PLEKHM1: variants seen among roughly 807,000 people sequenced by gnomAD.
PLEKHM1 encodes pleckstrin homology and RUN domain containing M1, also known as pleckstrin homology domain-containing family M member 1.
A neutral mutation model predicts 94.3 loss-of-function variants in PLEKHM1; 28 were observed. The ratio of observed to expected loss-of-function variants is 0.30; its 90% confidence interval spans 0.22 to 0.41. The LOEUF is 0.41. Among genes scored for constraint, PLEKHM1 ranks in the 10% least tolerant of loss-of-function variants. The pLI, the probability that PLEKHM1 is intolerant of heterozygous loss-of-function variation, is 1.00. For synonymous variants in PLEKHM1, 424 were observed against 581.2 expected (o/e 0.73, Z 3.89); for missense variants, 907 against 1,358.6 (o/e 0.67, Z 5.22).
rs1179712901 is a variant in PLEKHM1, at chr17:45,445,369, GT to G, written c.2837+100del. On this transcript the variant is annotated intron_variant, in intron 9 of 11. Transcript: ENST00000430334. The surrounding 1 kb of genome is among the most constrained non-coding windows in gnomAD (Gnocchi z 4.2). Reference sequence around the variant, plus strand: ...TGTGTGTGGGTATGTGTGCACATGTGTATGTGTGTCTGTGTGTACATGTGCA... The same window carrying G: ...TGTGTGTGGGTATGTGTGCACATGTGATGTGTGTCTGTGTGTACATGTGCA... The G allele has an allele frequency of 4.5e-6, 4 of 890,416 alleles. No homozygotes were observed. The African/African-American group carries it at 6.5e-5, about 14-fold the overall frequency. 55.2% of individuals were successfully genotyped at this position (890,416 alleles called of 1,614,324 possible). A position where few individuals can be genotyped will look rare whatever the true frequency, so the allele number is the denominator to read the frequency against.
chr17:45,480,602 T>G (rs1009009533), intron 2 of PLEKHM1, among the ~76,000 whole-genome samples: 1 of 152,246 alleles, frequency 6.6e-6, no homozygotes, highest in Non-Finnish European at 1.5e-5. Flanking sequence ...GAATACGAAG[T>G]GAATGCAGTC....
Position 45,436,619 on chromosome 17 carries a change from G to A in PLEKHM1, c.*1239C>T, listed in dbSNP as rs931174412. ...GAGACCAGCAAACCCACATTTCCCC[G>A]AAGCCTGGAGGGTCTGACCATCACT... On this transcript the variant is annotated 3_prime_UTR_variant, in exon 12 of 12. Coordinates refer to ENST00000430334, the MANE Select transcript of PLEKHM1 (RefSeq NM_014798.3). 4.0e-5 allele frequency: 18 copies of A among 453,960 alleles called. No homozygotes were observed. Among genetic ancestry groups the A allele is most frequent in the Middle Eastern group, 1.4e-3 (2 of 1,444 alleles). The allele number at this position is 453,960 out of a possible 1,614,324, so 28.1% of individuals were successfully genotyped here.
chr17:45,487,681 C>T (rs1279569054), intron 1 of PLEKHM1: 1 of 455,986 alleles, frequency 2.2e-6, no homozygotes, highest in Non-Finnish European at 4.4e-6. Context: ...TCACTTCCTC[C>T]AGAGATCAAG....
In PLEKHM1 at chr17:45,453,832, A is replaced by G. The variant is rs2145218408; in HGVS notation, c.2020T>C (p.Trp674Arg). 1.2e-6 allele frequency: 2 copies of G among 1,613,996 alleles called. No homozygotes were observed. The highest frequency in any genetic ancestry group is 2.2e-5 in the East Asian group (1 of 44,882). ...PAALQGTQFD[W>R]SSAQVPEPDA... Reference sequence around the variant, plus strand: ...GGCTCTGGAACCTGGGCGGACGACCAGTCAAACTGTGTGCCCTGGAGGGCC... The same window carrying G: ...GGCTCTGGAACCTGGGCGGACGACCGGTCAAACTGTGTGCCCTGGAGGGCC... Residue 674 changes from tryptophan to arginine, a missense_variant, in exon 7 of 12, where the codon TGG becomes CGG. Trp to Arg is a moderately radical substitution (Grantham distance 101, BLOSUM62 -3). This residue lies in a region of PLEKHM1 where 477 missense variants were observed against 601.5 expected (regional missense o/e 0.79). Transcript: ENST00000430334. This position sits in a 1 kb window ranked among gnomAD's most constrained non-coding sequence, Gnocchi z 4.1.
chr17:45,466,695 C>T (rs2051331186), intron 5 of PLEKHM1, among the ~76,000 whole-genome samples: 1 of 152,098 alleles, frequency 6.6e-6, no homozygotes, highest in Admixed American at 6.5e-5. Context: ...AACCACTACA[C>T]ATCTACCAGA....
rs1428139090 is a variant in PLEKHM1, at chr17:45,439,651, G to A, written c.2902-17C>T. On this transcript the variant is annotated splice_polypyrimidine_tract_variant and intron_variant, in intron 10 of 11. Transcript: ENST00000430334. ...GTCTGCGATCTGCGGAGGGCAAGTA[G>A]GAATCCTTCATACACCCCGTCTGCG... 6.2e-7 allele frequency: 1 copy of A among 1,612,030 alleles called. No individual in the cohort carries two copies. The highest frequency in any genetic ancestry group is 1.3e-5 in the African/African-American group (1 of 74,868).
At chr17:45,463,085 C>CTAA in intron 5 of PLEKHM1, among the ~76,000 whole-genome samples, 1 of 95,664 alleles carries the variant, frequency 1.0e-5, no homozygotes, top group African/African-American at 3.6e-5. Context: ...GAGTCTGTGT[C>CTAA]AAAAAAAAAA....
chr17:45,472,175 T>C (rs2051535999), intron 4 of PLEKHM1, among the ~76,000 whole-genome samples: 1 of 152,292 alleles, frequency 6.6e-6, no homozygotes, highest in South Asian at 2.1e-4. Flanking sequence ...GGTGAGAACA[T>C]TTTACCCTTG....
At position 45,437,026 on chromosome 17, in the gene PLEKHM1, C is replaced by T. The variant is rs113507800; in HGVS notation, c.*832G>A. 301 of 454,384 alleles carry T rather than the reference C, an allele frequency of 6.6e-4. No homozygotes were observed. Among genetic ancestry groups the T allele is most frequent in the African/African-American group, 1.8e-3 (89 of 50,140 alleles). The allele number at this position is 454,384 out of a possible 1,614,324, so 28.1% of individuals were successfully genotyped here. On this transcript the variant is annotated 3_prime_UTR_variant, in exon 12 of 12. Coordinates refer to ENST00000430334, the MANE Select transcript of PLEKHM1 (RefSeq NM_014798.3). The surrounding 1 kb of genome is among the most constrained non-coding windows in gnomAD (Gnocchi z 4.0). ...GCACGGGGATCGGGGGTGGGCAAGA[C>T]GGCGACCCTCCATAAACCGAGGAGG...
At chr17:45,488,847 G>A (rs2052214439) in intron 1 of PLEKHM1, among the ~76,000 whole-genome samples, 1 of 152,152 alleles carries the variant, frequency 6.6e-6, no homozygotes, top group African/African-American at 2.4e-5. Context: ...GCTGAGGCAG[G>A]AGAATCGCTT....
At chr17:45,449,154 C>G (rs1476208191) in intron 8 of PLEKHM1, among the ~76,000 whole-genome samples, 2 of 151,650 alleles carry the variant, frequency 1.3e-5, no homozygotes, top group African/African-American at 4.8e-5. Flanking sequence ...CATGTAGGGC[C>G]TACAGGGGAG....
chr17:45,454,039 G>C lies in PLEKHM1; in HGVS notation c.1813C>G (p.Leu605Val). Residue 605 changes from leucine (L) to valine (V), a missense_variant, in exon 7 of 12, where the codon CTG becomes GTG. Around this residue, in one of 3 missense-constraint regions of PLEKHM1, gnomAD observed 477 missense variants for 601.5 expected, o/e 0.79. Coordinates refer to ENST00000430334, the MANE Select transcript of PLEKHM1 (RefSeq NM_014798.3). Reference sequence around the variant, plus strand: ...GCTTCGTCCTGGGAGGAGGCGCGCAGGGCCAGCTTCTTGCCAGAGAAGACC... The same window carrying C: ...GCTTCGTCCTGGGAGGAGGCGCGCACGGCCAGCTTCTTGCCAGAGAAGACC... ...ELVFSGKKLALRASSQDEAED... is the reference protein window; with the variant it reads ...ELVFSGKKLAVRASSQDEAED... The C allele has an allele frequency of 6.8e-6, 11 of 1,614,170 alleles. No homozygotes were observed. Among genetic ancestry groups the C allele is most frequent in the Non-Finnish European group, 9.3e-6 (11 of 1,179,996 alleles).
At chr17:45,450,900 T>C in intron 7 of PLEKHM1, 137 bp from the exon 8 acceptor site, 1 of 606,228 alleles carries the variant, frequency 1.6e-6, no homozygotes, top group Non-Finnish European at 2.9e-6. Flanking sequence ...ACCACTCGTA[T>C]TTCCACCACT....
At chr17:45,449,311 T>TA (rs2050699199) in intron 8 of PLEKHM1, among the ~76,000 whole-genome samples, 2 of 150,434 alleles carry the variant, frequency 1.3e-5, no homozygotes, top group Admixed American at 1.3e-4. Context: ...CCCATCTACC[T>TA]ACCCATCTAC....
Position 45,468,611 on chromosome 17 carries a change from A to G in PLEKHM1, c.924-18T>C. ...ACAATACCCTAGAAGTTTTAAACAA[A>G]GAAACCTGTGTGACAGGTTGTCTGC... On this transcript the variant is annotated intron_variant, in intron 4 of 11. Coordinates refer to ENST00000430334, the MANE Select transcript of PLEKHM1 (RefSeq NM_014798.3). 6.2e-7 allele frequency: 1 copy of G among 1,614,154 alleles called. No homozygotes were observed. Among genetic ancestry groups the G allele is most frequent in the Non-Finnish European group, 8.5e-7 (1 of 1,179,990 alleles).
intron 7 of PLEKHM1, among the ~76,000 whole-genome samples, chr17:45,452,661 T>G (rs1314352988): frequency 6.6e-6 from 1 of 151,956 alleles, no homozygotes; most frequent in Non-Finnish European, 1.5e-5. Context: ...GATTTGATGA[T>G]GAGGAAGACA....
rs756786802 is a variant in PLEKHM1, at chr17:45,440,144, G to A, written c.2901+19C>T. On this transcript the variant is annotated intron_variant, in intron 10 of 11. Coordinates refer to ENST00000430334, the MANE Select transcript of PLEKHM1 (RefSeq NM_014798.3). ...AAGTCTCTCTAGAGGTCTGGGCGGG[G>A]GAAGCATGACACTCTTACCTGTTGG... 4.3e-6 allele frequency: 7 copies of A among 1,609,394 alleles called. No individual in the cohort carries two copies. The Admixed American group carries it at 5.0e-5, about 11-fold the overall frequency.
rs749570218 is a variant in PLEKHM1 at position 45,439,727 on chromosome 17, C to T, written c.2902-93G>A. The T allele has an allele frequency of 7.8e-6, 12 of 1,532,212 alleles. No homozygotes were observed. The East Asian group carries it at 2.0e-4, about 26-fold the overall frequency. The allele number at this position is 1,532,212 out of a possible 1,614,324, so 94.9% of individuals were successfully genotyped here. On this transcript the variant is annotated intron_variant, in intron 10 of 11. Transcript: ENST00000430334. ...GCCCCAGGCCTTTCAAGCAGCTGCA[C>T]TGAGGTGCCATGGCACCCTGCCTGG...
At chr17:45,478,749 TG>T (rs1283779444) in intron 2 of PLEKHM1, among the ~76,000 whole-genome samples, 1 of 151,546 alleles carries the variant, frequency 6.6e-6, no homozygotes, top group Non-Finnish European at 1.5e-5. Context: ...GAGGACTGCT[TG>T]AGTCCAGGAG....
Sources: allele counts gnomAD v4.1 joint callset (sites outside exome capture counted in the v4.1 genomes callset), GRCh38; gene constraint gnomAD v4.1.1; regional missense constraint gnomAD v4.1.1; non-coding constraint Gnocchi (gnomAD v3.1); transcripts MANE v1.5; gene names NCBI Gene and HGNC (gene_info 2026-07-23, HGNC 2026-07-21).